The following PTK2 variants were observed in gnomAD, a reference collection of about 807,000 sequenced individuals.
PTK2 encodes focal adhesion kinase 1.
PTK2 carries 45 observed loss-of-function variants against 150.1 expected under a neutral mutation model. That is an observed-to-expected ratio of 0.30 (90% confidence interval 0.24 to 0.38). The LOEUF (loss-of-function observed/expected upper bound fraction) is 0.38. PTK2 is among the 10% of genes least tolerant of loss of function. The pLI, the probability that PTK2 is intolerant of heterozygous loss-of-function variation, is 1.00. For synonymous variants in PTK2, 432 were observed against 449.2 expected (o/e 0.96, Z 0.48); for missense variants, 919 against 1,307.3 (o/e 0.70, Z 4.58).
intron 13 of PTK2, among the ~76,000 whole-genome samples, chr8:140,791,532 C>A (rs751866771): frequency 2.0e-5 from 3 of 152,152 alleles, no homozygotes; most frequent in Admixed American, 2.0e-4. Flanking sequence ...CACAGTACTG[C>A]ATATGACCCT....
intron 2 of PTK2, among the ~76,000 whole-genome samples, chr8:140,894,996 A>ACTTTC (rs2100155594): frequency 6.6e-6 from 1 of 152,240 alleles, no homozygotes; most frequent in Non-Finnish European, 1.5e-5. Flanking sequence ...ACTGAGTGAA[A>ACTTTC]GAGAAAGATT....
intron 2 of PTK2, chr8:140,920,989 C>T (rs925987052): frequency 3.5e-5 from 46 of 1,313,700 alleles, no homozygotes; most frequent in Non-Finnish European, 4.1e-5. Flanking sequence ...GTATTTGCTT[C>T]GATCCACAAG....
intron 4 of PTK2, among the ~76,000 whole-genome samples, chr8:140,874,772 T>C (rs565063858): frequency 1.3e-4 from 20 of 152,326 alleles, no homozygotes; most frequent in South Asian, 4.1e-4. Flanking sequence ...ATGGTAATAC[T>C]GTTATTAACT....
At chr8:140,904,828 T>G (rs1356219365) in intron 2 of PTK2, among the ~76,000 whole-genome samples, 2 of 152,204 alleles carry the variant, frequency 1.3e-5, no homozygotes, top group African/African-American at 2.4e-5. Context: ...TGTATTTCTG[T>G]GGGATCAGTG....
chr8:140,847,871 C>T (rs1188437357), intron 5 of PTK2, among the ~76,000 whole-genome samples: 2 of 152,158 alleles, frequency 1.3e-5, no homozygotes, highest in African/African-American at 2.4e-5. Flanking sequence ...CCAGTTAACT[C>T]ATCTCTCACT....
At chr8:140,819,058 A>G in intron 8 of PTK2, 38 bp from the exon 9 acceptor site, 1 of 1,603,550 alleles carries the variant, frequency 6.2e-7, no homozygotes, top group South Asian at 1.1e-5. Context: ...TGTAAAAATC[A>G]GCAATGAGTA....
chr8:140,884,434 T>A (rs141182099), intron 3 of PTK2, among the ~76,000 whole-genome samples: 146 of 152,342 alleles, frequency 9.6e-4, no homozygotes, highest in African/African-American at 3.3e-3. Context: ...TCAAAACTAT[T>A]TGAATCCGTA....
intron 14 of PTK2, among the ~76,000 whole-genome samples, chr8:140,766,408 T>C (rs1038093623): frequency 2.6e-5 from 4 of 152,202 alleles, no homozygotes; most frequent in Non-Finnish European, 4.4e-5. Flanking sequence ...AGCCACCTAT[T>C]CAGAGACCTC....
intron 2 of PTK2, among the ~76,000 whole-genome samples, chr8:140,911,736 A>ATAGAT (rs59466579): frequency 0.42 from 62,995 of 151,550 alleles, 14,955 homozygotes; most frequent in Non-Finnish European, 0.55. Context: ...TGCTATCACT[A>ATAGAT]TAATGTTTTT....
In PTK2 at chr8:140,780,017, C is replaced by G. The variant is rs546275400; in HGVS notation, c.1177+9457G>C. Among the ~76,000 whole-genome samples, 3 of 152,192 alleles carry G rather than the reference C, an allele frequency of 2.0e-5. No homozygotes were observed. In the East Asian group the frequency reaches 5.8e-4, roughly 29 times the overall value. On this transcript the variant is annotated intron_variant, in intron 14 of 31. Transcript: ENST00000522684. ...CATACTGATATTTTAAAAAGAAAAT[C>G]TCAAAGAATGACATCTGACTAGCAA...
intron 1 of PTK2, among the ~76,000 whole-genome samples, chr8:140,970,526 TC>T (rs973803397): frequency 2.0e-5 from 3 of 152,212 alleles, no homozygotes; most frequent in Non-Finnish European, 4.4e-5. Context: ...TTCCTCACAC[TC>T]CATGTTCAAC....
chr8:140,804,010 G>C (rs1297740885), intron 10 of PTK2, among the ~76,000 whole-genome samples: 1 of 152,152 alleles, frequency 6.6e-6, no homozygotes, highest in East Asian at 1.9e-4. Context: ...GGAATTCTTA[G>C]TCAAAGAGAA....
intron 23 of PTK2, 29 bp downstream of exon 26, chr8:140,717,569 C>A (rs769987097): frequency 6.4e-7 from 1 of 1,553,634 alleles, no homozygotes; most frequent in South Asian, 1.1e-5. Flanking sequence ...TAAGAGTAAC[C>A]CCAAAGTTGG....
At chr8:141,000,127 C>CACACAA (rs58481152) in intron 1 of PTK2, among the ~76,000 whole-genome samples, 1,738 of 123,824 alleles carry the variant, frequency 0.014, 45 homozygotes, top group African/African-American at 0.047. Context: ...ACACACACAC[C>CACACAA]CCTTCTTCTA....
At chr8:140,730,964 C>A (rs1383186891) in intron 22 of PTK2, among the ~76,000 whole-genome samples, 44 of 137,990 alleles carry the variant, frequency 3.2e-4, no homozygotes, top group African/African-American at 1.0e-3. Context: ...CCCCCCCCCC[C>A]CTTTTTTTTT....
chr8:140,695,767 T>G (rs1349940943), intron 26 of PTK2, among the ~76,000 whole-genome samples: 3 of 152,092 alleles, frequency 2.0e-5, no homozygotes, highest in Non-Finnish European at 4.4e-5. Context: ...GCCTAAGTAA[T>G]CAGAGAGTGA....
chr8:140,862,447 G>A (rs2100136773), intron 5 of PTK2, among the ~76,000 whole-genome samples: 1 of 152,150 alleles, frequency 6.6e-6, no homozygotes, highest in African/African-American at 2.4e-5. Flanking sequence ...CTTCCAATAA[G>A]CTCAGCTGGA....
At chr8:140,945,777 G>A (rs1340626326) in intron 1 of PTK2, among the ~76,000 whole-genome samples, 1 of 152,024 alleles carries the variant, frequency 6.6e-6, no homozygotes, top group African/African-American at 2.4e-5. Context: ...ACACAACACA[G>A]GCTTTTCAAG....
At chr8:140,734,354 A>G (rs890216974) in intron 22 of PTK2, among the ~76,000 whole-genome samples, 1 of 152,236 alleles carries the variant, frequency 6.6e-6, no homozygotes, top group African/African-American at 2.4e-5. Context: ...TTATTACAGT[A>G]TTAAGTCTCA....
Sources: gnomAD v4.1 joint callset for allele counts (sites outside exome capture counted in the v4.1 genomes callset) on GRCh38, gnomAD v4.1.1 for gene constraint, MANE v1.5 for transcripts, NCBI Gene and HGNC (gene_info 2026-07-23, HGNC 2026-07-21) for gene names.